Variants in SHTN1 observed in about 807,000 individuals in gnomAD.
SHTN1 encodes the protein shootin-1.
In SHTN1, 42 loss-of-function variants were observed where a neutral mutation model predicts 83.1. The observed-to-expected ratio is 0.51, with a 90% CI of 0.39 to 0.65. The LOEUF (loss-of-function observed/expected upper bound fraction) is 0.65. SHTN1 is among the 30% of genes least tolerant of loss of function. The probability of loss-of-function intolerance (pLI) is 0.00; values close to 1 mark genes in which losing one functional copy is unlikely to be tolerated. For missense variants in SHTN1, 622 were observed against 737.8 expected, an observed-to-expected ratio of 0.84 and a Z score of 1.82; for synonymous variants, 224 against 247.7, an observed-to-expected ratio of 0.90 and a Z score of 0.90.
At chr10:117,064,471 T>C (rs1050400463) in intron 1 of SHTN1, among the ~76,000 whole-genome samples, 1 of 152,172 alleles carries the variant, frequency 6.6e-6, no homozygotes, top group South Asian at 2.1e-4. Context: ...CTGGCCAACA[T>C]AGTGAAACTC....
intron 2 of SHTN1, among the ~76,000 whole-genome samples, chr10:117,013,921 T>C (rs1157987188): frequency 6.6e-6 from 1 of 152,026 alleles, no homozygotes; most frequent in Non-Finnish European, 1.5e-5. Context: ...TGTGTGTGTG[T>C]ATATATATAT....
chr10:117,080,977 C>T (rs1201796288), intron 1 of SHTN1, among the ~76,000 whole-genome samples: 1 of 151,336 alleles, frequency 6.6e-6, no homozygotes, highest in Non-Finnish European at 1.5e-5. Context: ...ATGTCATCTG[C>T]AAACAGGGAC....
chr10:116,955,562 A>G (rs1400060150), intron 4 of SHTN1, among the ~76,000 whole-genome samples: 1 of 152,182 alleles, frequency 6.6e-6, no homozygotes, highest in East Asian at 1.9e-4. Context: ...GATATTTAGC[A>G]TAGCACTGGT....
intron 5 of SHTN1, 133 bp from the exon 6 acceptor site, chr10:116,952,139 G>T: frequency 2.3e-6 from 1 of 426,032 alleles, no homozygotes; most frequent in Admixed American, 4.2e-5. Context: ...AAAAAGAAAT[G>T]AAGAACCAAA....
intron 9 of SHTN1, among the ~76,000 whole-genome samples, chr10:116,932,380 C>A (rs139312139): frequency 1.3e-5 from 2 of 152,158 alleles, no homozygotes; most frequent in African/African-American, 2.4e-5. Context: ...GAACTGCACA[C>A]GCGAGGGATC....
At chr10:116,989,859 G>A (rs571686302) in intron 1 of SHTN1, among the ~76,000 whole-genome samples, 108 of 152,270 alleles carry the variant, frequency 7.1e-4, no homozygotes, top group Non-Finnish European at 1.3e-3. Flanking sequence ...TTTGTCTTTT[G>A]TTACAGGAGT....
chr10:117,090,594 C>G lies in SHTN1; in HGVS notation c.-189+35713G>C, dbSNP rs543150413. Among the ~76,000 whole-genome samples, 3 of 152,274 alleles carry G rather than the reference C, an allele frequency of 2.0e-5. No individual in the cohort carries two copies. The South Asian group carries it at 6.2e-4, about 32-fold the overall frequency. On this transcript the variant is annotated intron_variant, in intron 1 of 17. Coordinates refer to the SHTN1 transcript ENST00000392901. ...ACAATTTGAAATAAAACAAAACAATCACCATTGGGTGGGCTCAAATAAAAG... is the reference window on the plus strand; with the variant it reads ...ACAATTTGAAATAAAACAAAACAATGACCATTGGGTGGGCTCAAATAAAAG...
At chr10:117,030,460 A>G (rs967984133) in intron 2 of SHTN1, among the ~76,000 whole-genome samples, 1 of 152,278 alleles carries the variant, frequency 6.6e-6, no homozygotes, top group African/African-American at 2.4e-5. Context: ...ACAAGTATCT[A>G]CAAGTATCAA....
intron 1 of SHTN1, among the ~76,000 whole-genome samples, chr10:117,106,520 G>T (rs1425915473): frequency 6.6e-6 from 1 of 152,164 alleles, no homozygotes; most frequent in African/African-American, 2.4e-5. Context: ...GCCACTGAGG[G>T]ACAGCAGAAA....
At chr10:116,892,213 C>T (rs967302479) in intron 16 of SHTN1, among the ~76,000 whole-genome samples, 16 of 152,154 alleles carry the variant, frequency 1.1e-4, no homozygotes. Flanking sequence ...TAGCTTGTAC[C>T]TTGTAGGATA....
At chr10:117,090,065 CAA>C (rs1853406830) in intron 1 of SHTN1, among the ~76,000 whole-genome samples, 1 of 152,102 alleles carries the variant, frequency 6.6e-6, no homozygotes, top group African/African-American at 2.4e-5. Context: ...GTATAAATCC[CAA>C]AGAACTGAAA....
rs548311566 is a variant in SHTN1, at chr10:117,051,442, CCAGA to C, written c.-188-2936_-188-2933del. Among the ~76,000 whole-genome samples, 111 of 152,220 alleles carry C rather than the reference CCAGA, an allele frequency of 7.3e-4. 2 individuals are homozygous for C. In the South Asian group the frequency reaches 0.022, roughly 30 times the overall value. On this transcript the variant is annotated intron_variant, in intron 1 of 17. Coordinates refer to the SHTN1 transcript ENST00000392901. ...AAGCCAGCATTACCTTGACACCAAG[CCAGA>C]CAAAGACAATGCAAGAAAAGAAACT...
intron 1 of SHTN1, among the ~76,000 whole-genome samples, chr10:117,000,383 T>C (rs535148065): frequency 6.6e-6 from 1 of 152,206 alleles, no homozygotes; most frequent in Non-Finnish European, 1.5e-5. Context: ...TAAGCTTGAC[T>C]AGATTTCCAT....
intron 10 of SHTN1, 60 bp from the exon 11 acceptor site, chr10:116,927,951 C>A (rs1330367015): frequency 1.5e-5 from 23 of 1,563,774 alleles, no homozygotes; most frequent in Admixed American, 5.5e-5. Flanking sequence ...ATTGTTTATA[C>A]ATGTGAAAAA....
At chr10:117,020,978 C>A (rs143457015) in intron 2 of SHTN1, among the ~76,000 whole-genome samples, 109 of 151,568 alleles carry the variant, frequency 7.2e-4, no homozygotes, top group Middle Eastern at 3.5e-3. Flanking sequence ...TAAAAAAAAA[C>A]CCAATAAAAA....
intron 1 of SHTN1, among the ~76,000 whole-genome samples, chr10:117,054,573 T>C (rs1347927810): frequency 6.6e-6 from 1 of 151,852 alleles, no homozygotes; most frequent in African/African-American, 2.4e-5. Flanking sequence ...GCCTGGCTAA[T>C]TTTTTTAATA....
intron 14 of SHTN1, 114 bp from the exon 15 acceptor site, chr10:116,906,861 A>G: frequency 1.2e-6 from 1 of 854,620 alleles, no homozygotes; most frequent in East Asian, 2.9e-5. Flanking sequence ...ATTATGAAAC[A>G]AAATGAATTT....
intron 1 of SHTN1, among the ~76,000 whole-genome samples, chr10:117,082,471 T>C (rs2133612939): frequency 6.6e-6 from 1 of 151,540 alleles, no homozygotes; most frequent in African/African-American, 2.4e-5. Flanking sequence ...TGGTCAATTT[T>C]GGAATAGGTG....
At chr10:116,966,426 T>G (rs1850399351) in intron 3 of SHTN1, among the ~76,000 whole-genome samples, 1 of 152,144 alleles carries the variant, frequency 6.6e-6, no homozygotes, top group African/African-American at 2.4e-5. Flanking sequence ...CATCCAAACC[T>G]TAAATTAATT....
Sources: gnomAD v4.1 joint callset for allele counts (sites outside exome capture counted in the v4.1 genomes callset) on GRCh38, gnomAD v4.1.1 for gene constraint, MANE v1.5 for transcripts, NCBI Gene and HGNC (gene_info 2026-07-23, HGNC 2026-07-21) for gene names.